ARAP2: variants seen among roughly 807,000 people sequenced by gnomAD.
The protein encoded by ARAP2 is ArfGAP with RhoGAP domain, ankyrin repeat and PH domain 2.
Under a neutral mutation model 194.5 loss-of-function variants are expected in ARAP2, and 148 were observed. That is an observed-to-expected ratio of 0.76 (90% CI 0.67 to 0.87). ARAP2 has a LOEUF of 0.87. ARAP2 is among the 40% of genes least tolerant of loss of function. The pLI is 0.00. For missense variants in ARAP2, 2,128 were observed against 1,989.7 expected, an observed-to-expected ratio of 1.07 and a Z score of -1.32; for synonymous variants, 695 against 683.5, an observed-to-expected ratio of 1.02 and a Z score of -0.26.
At position 36,120,546 on chromosome 4, in the gene ARAP2, T is replaced by C. The variant is rs80161990; in HGVS notation, c.3894+633A>G. Among the ~76,000 whole-genome samples the C allele has an allele frequency of 5.2e-3, 789 of 151,724 alleles. 9 individuals carry two copies. The highest frequency in any genetic ancestry group is 0.018 in the African/African-American group (754 of 41,510). On this transcript the variant is annotated intron_variant, in intron 23 of 32. Coordinates refer to ENST00000303965, the MANE Select transcript of ARAP2 (RefSeq NM_015230.4). ...AATGACAAAATTGAGGTGCTAGAAC[T>C]AGTTATATAATAGAACTGGACCTTT... is the stretch of plus-strand genomic sequence containing the variant.
chr4:36,198,333 G>A (rs1743605706), intron 6 of ARAP2, among the ~76,000 whole-genome samples: 2 of 152,164 alleles, frequency 1.3e-5, no homozygotes, highest in Non-Finnish European at 2.9e-5. Flanking sequence ...TGGTCCATGG[G>A]CAGTCATAGG....
At chr4:36,211,748 T>C (rs1746803562) in intron 5 of ARAP2, among the ~76,000 whole-genome samples, 1 of 152,154 alleles carries the variant, frequency 6.6e-6, no homozygotes, top group South Asian at 2.1e-4. Context: ...GGGGGATGAA[T>C]ATTCCGTTTT....
chr4:36,055,401 C>A (rs533557947), intron 2 of ARAP2, among the ~76,000 whole-genome samples: 1 of 152,250 alleles, frequency 6.6e-6, no homozygotes, highest in African/African-American at 2.4e-5. Flanking sequence ...TAAGAACCAT[C>A]GCATCTCTGG....
chr4:36,078,543 T>C (rs911364676), intron 31 of ARAP2, among the ~76,000 whole-genome samples: 2 of 152,176 alleles, frequency 1.3e-5, no homozygotes, highest in South Asian at 4.1e-4. Flanking sequence ...AGATGAACCA[T>C]AAATCCTTAA....
chr4:36,224,367 C>T (rs765162299), intron 2 of ARAP2, among the ~76,000 whole-genome samples: 3 of 149,368 alleles, frequency 2.0e-5, no homozygotes, highest in Non-Finnish European at 4.4e-5. Context: ...TAATATCTAA[C>T]TAAAACAGAC....
At chr4:36,050,655 CA>C (rs1387546178) in intron 3 of ARAP2, among the ~76,000 whole-genome samples, 1 of 152,142 alleles carries the variant, frequency 6.6e-6, no homozygotes, top group Non-Finnish European at 1.5e-5. Context: ...GAAGATCACA[CA>C]AAAGTAGTTA....
At chr4:36,169,722 CG>C (rs1736168768) in intron 9 of ARAP2, among the ~76,000 whole-genome samples, 1 of 151,926 alleles carries the variant, frequency 6.6e-6, no homozygotes, top group Non-Finnish European at 1.5e-5. Flanking sequence ...TTAGTAGAGA[CG>C]GGGTTTCACC....
chr4:36,128,477 T>TACACAC (rs113034093), intron 21 of ARAP2, 56 bp downstream of exon 21: 284,119 of 943,266 alleles, frequency 0.3, 18,682 homozygotes, highest in African/African-American at 0.33. Flanking sequence ...GTCTATATTA[T>TACACAC]ACACACACAC....
intron 2 of ARAP2, among the ~76,000 whole-genome samples, chr4:36,215,592 C>G (rs2109291744): frequency 6.6e-6 from 1 of 152,256 alleles, no homozygotes; most frequent in South Asian, 2.1e-4. Context: ...TTAGTATTTA[C>G]CAAAATTTAA....
intron 28 of ARAP2, among the ~76,000 whole-genome samples, chr4:36,084,476 G>T (rs1453839557): frequency 6.6e-6 from 1 of 151,876 alleles, no homozygotes; most frequent in Non-Finnish European, 1.5e-5. Context: ...ATACTGTTTG[G>T]ATTTCGGAAT....
chr4:36,162,131 C>T (rs1017556468), intron 11 of ARAP2, among the ~76,000 whole-genome samples: 36 of 82,346 alleles, frequency 4.4e-4, no homozygotes, highest in African/African-American at 1.8e-3. Context: ...AAGAACTACA[C>T]TTACTTAAAT....
chr4:36,043,362 C>T (rs182398503), intron 5 of ARAP2, among the ~76,000 whole-genome samples: 17 of 152,268 alleles, frequency 1.1e-4, no homozygotes, highest in African/African-American at 3.9e-4. Context: ...CCATACTTCA[C>T]TTATGTAGTT....
chr4:36,153,096 T>C (rs1731398208), intron 15 of ARAP2, among the ~76,000 whole-genome samples: 1 of 152,234 alleles, frequency 6.6e-6, no homozygotes, highest in Non-Finnish European at 1.5e-5. Flanking sequence ...TAAAAGGGTA[T>C]GTACAAACTC....
intron 25 of ARAP2, among the ~76,000 whole-genome samples, chr4:36,115,680 A>G (rs1258167716): frequency 6.6e-6 from 1 of 152,012 alleles, no homozygotes; most frequent in East Asian, 1.9e-4. Context: ...CTTACTTCCC[A>G]GTTTCCATTC....
At chr4:36,184,240 G>A (rs933666834) in intron 8 of ARAP2, among the ~76,000 whole-genome samples, 5 of 150,656 alleles carry the variant, frequency 3.3e-5, no homozygotes, top group Non-Finnish European at 7.4e-5. Flanking sequence ...TTAGTGTACT[G>A]TTGAAAGTTC....
intron 31 of ARAP2, among the ~76,000 whole-genome samples, chr4:36,076,613 TCCTCCATGCTTCCCTCTCCA>T (rs1040201820): frequency 4.0e-5 from 6 of 151,550 alleles, no homozygotes; most frequent in African/African-American, 9.7e-5. Flanking sequence ...TCCCCAACCC[TCCTCCATGCTTCCCTCTCCA>T]CCTCCATGCT....
chr4:36,028,513 AT>A (rs747596603), intron 5 of ARAP2, among the ~76,000 whole-genome samples: 7 of 150,754 alleles, frequency 4.6e-5, no homozygotes, highest in Non-Finnish European at 1.0e-4. Flanking sequence ...GATTTTTCTA[AT>A]TTTTTTTGTT....
chr4:36,187,621 GATCTT>G (rs756598842), intron 7 of ARAP2, 50 bp from the exon 8 acceptor site: 172 of 1,456,786 alleles, frequency 1.2e-4, no homozygotes, highest in Non-Finnish European at 1.5e-4. Context: ...AAATTCTCTT[GATCTT>G]ATCAAAAAAG....
intron 2 of ARAP2, among the ~76,000 whole-genome samples, 200 bp from the exon 3 acceptor site, chr4:36,214,680 C>A (rs564034494): frequency 1.1e-4 from 16 of 152,080 alleles, no homozygotes; most frequent in African/African-American, 3.9e-4. Flanking sequence ...AGCTGAACAG[C>A]CAAATTCCAC....
Sources: gnomAD v4.1 joint callset for allele counts (sites outside exome capture counted in the v4.1 genomes callset) on GRCh38, gnomAD v4.1.1 for gene constraint, MANE v1.5 for transcripts, NCBI Gene and HGNC (gene_info 2026-07-23, HGNC 2026-07-21) for gene names.